The following COL24A1 variants were observed in gnomAD, a reference collection of about 807,000 sequenced individuals.
COL24A1 encodes the protein collagen type XXIV alpha 1 chain, also known as collagen alpha-1(XXIV) chain.
In COL24A1, 224 loss-of-function variants were observed where a neutral mutation model predicts 253.9. That is an observed-to-expected ratio of 0.88 (90% CI 0.79 to 0.99). The LOEUF (loss-of-function observed/expected upper bound fraction) is 0.99. Among genes scored for constraint, COL24A1 ranks in the 50% least tolerant of loss-of-function variants. The probability of loss-of-function intolerance (pLI) is 0.00; values close to 1 mark genes in which losing one functional copy is unlikely to be tolerated. For synonymous variants in COL24A1, 685 were observed against 673.7 expected, an observed-to-expected ratio of 1.02 and a Z score of -0.26; for missense variants, 2,131 against 2,068.5, an observed-to-expected ratio of 1.03 and a Z score of -0.59.
At chr1:85,743,562 A>AT (rs755046155) in intron 57 of COL24A1, among the ~76,000 whole-genome samples, 25 of 152,088 alleles carry the variant, frequency 1.6e-4, no homozygotes, top group Non-Finnish European at 3.2e-4. Flanking sequence ...GGGCGTAAAG[A>AT]TTTTTTGAAC....
intron 47 of COL24A1, among the ~76,000 whole-genome samples, chr1:85,815,428 T>C (rs757396658): frequency 6.6e-6 from 1 of 152,118 alleles, no homozygotes; most frequent in African/African-American, 2.4e-5. Context: ...AATTAAAAAC[T>C]TTGGCCTGGC....
chr1:85,834,845 G>A (rs12077825), intron 43 of COL24A1, among the ~76,000 whole-genome samples: 56,918 of 151,958 alleles, frequency 0.37, 11,358 homozygotes, highest in Non-Finnish European at 0.43. Flanking sequence ...CTTGATCTAT[G>A]TGATGTACAG....
At chr1:85,918,923 T>G (rs1391676518) in intron 24 of COL24A1, among the ~76,000 whole-genome samples, 1 of 152,230 alleles carries the variant, frequency 6.6e-6, no homozygotes, top group Non-Finnish European at 1.5e-5. Flanking sequence ...GCTACTGATG[T>G]CAGACTTGGC....
chr1:85,919,770 T>C (rs1448532717), intron 24 of COL24A1, among the ~76,000 whole-genome samples: 1 of 152,180 alleles, frequency 6.6e-6, no homozygotes, highest in Non-Finnish European at 1.5e-5. Context: ...TAGGAACACC[T>C]TCACCAGACA....
At chr1:85,898,912 A>G (rs918023730) in intron 28 of COL24A1, among the ~76,000 whole-genome samples, 1 of 152,172 alleles carries the variant, frequency 6.6e-6, no homozygotes, top group Non-Finnish European at 1.5e-5. Context: ...AAGAGGTAAG[A>G]TTGCAAGCTA....
At chr1:85,923,885 G>GT (rs1025909770) in intron 24 of COL24A1, among the ~76,000 whole-genome samples, 3 of 152,072 alleles carry the variant, frequency 2.0e-5, no homozygotes, top group Non-Finnish European at 2.9e-5. Context: ...CCATGAGCTG[G>GT]TTTTTTGAAA....
At chr1:85,857,633 A>G (rs1678595926) in intron 37 of COL24A1, among the ~76,000 whole-genome samples, 1 of 152,098 alleles carries the variant, frequency 6.6e-6, no homozygotes, top group Non-Finnish European at 1.5e-5. Flanking sequence ...CAATCACAAG[A>G]CACACAGACT....
chr1:85,766,328 C>A (rs1198356891), intron 53 of COL24A1, among the ~76,000 whole-genome samples: 11 of 130,618 alleles, frequency 8.4e-5, no homozygotes, highest in African/African-American at 3.3e-4. Context: ...GAGATCTTGC[C>A]ACTGCACTCC....
intron 22 of COL24A1, among the ~76,000 whole-genome samples, chr1:85,965,523 A>G (rs486726): frequency 0.56 from 84,264 of 151,678 alleles, 24,442 homozygotes; most frequent in African/African-American, 0.7. Flanking sequence ...TAGTTTTCCG[A>G]GAGTCTGAAG....
chr1:85,835,252 C>T (rs890689863), intron 43 of COL24A1, among the ~76,000 whole-genome samples: 7 of 152,172 alleles, frequency 4.6e-5, no homozygotes, highest in African/African-American at 1.2e-4. Context: ...CTGCCTCAGC[C>T]TCCCGAGTAG....
At chr1:85,886,558 G>A (rs746900504) in intron 32 of COL24A1, among the ~76,000 whole-genome samples, 5 of 151,820 alleles carry the variant, frequency 3.3e-5, no homozygotes, top group Non-Finnish European at 5.9e-5. Flanking sequence ...CCAGCTACTC[G>A]GGAGGCTGAG....
chr1:86,066,959 G>A (rs1298677299), intron 7 of COL24A1, among the ~76,000 whole-genome samples: 1 of 152,040 alleles, frequency 6.6e-6, no homozygotes, highest in Non-Finnish European at 1.5e-5. Flanking sequence ...CCAACATGAT[G>A]AAACCCGTCT....
chr1:85,890,614 G>T (rs1171047119), intron 31 of COL24A1, among the ~76,000 whole-genome samples: 1 of 151,432 alleles, frequency 6.6e-6, no homozygotes, highest in Non-Finnish European at 1.5e-5. Flanking sequence ...TGAGTTGTAG[G>T]AGTTCTTTAT....
intron 12 of COL24A1, among the ~76,000 whole-genome samples, chr1:86,040,721 C>T (rs1699415966): frequency 6.6e-6 from 1 of 152,022 alleles, no homozygotes; most frequent in South Asian, 2.1e-4. Flanking sequence ...AATATAGCTA[C>T]TACAGACTAT....
intron 5 of COL24A1, among the ~76,000 whole-genome samples, chr1:86,107,701 A>AT (rs1173214874): frequency 6.6e-6 from 1 of 151,490 alleles, no homozygotes; most frequent in Non-Finnish European, 1.5e-5. Flanking sequence ...CGCCCGGCTA[A>AT]TTTTTTTGTA....
Position 85,983,124 on chromosome 1 carries a change from T to C in COL24A1, c.2364+4477A>G, listed in dbSNP as rs536685544. On this transcript the variant is annotated intron_variant, in intron 20 of 59. Transcript: ENST00000370571. ...CTATAAAAACTTATCAGGTCTGCTATGCAAAAGACAATAACAGCCTCTTTT... is the reference window on the plus strand; with the variant it reads ...CTATAAAAACTTATCAGGTCTGCTACGCAAAAGACAATAACAGCCTCTTTT... Among the ~76,000 whole-genome samples the C allele has an allele frequency of 3.9e-5, 6 of 152,150 alleles. No individual in the cohort carries two copies. The East Asian group carries it at 9.6e-4, about 24-fold the overall frequency.
intron 19 of COL24A1, among the ~76,000 whole-genome samples, chr1:85,988,145 T>A (rs1231268882): frequency 6.6e-6 from 1 of 151,448 alleles, no homozygotes; most frequent in Non-Finnish European, 1.5e-5. Flanking sequence ...ATATACAGGA[T>A]TAATCAGTTT....
intron 19 of COL24A1, among the ~76,000 whole-genome samples, chr1:85,990,566 C>T (rs999733723): frequency 7.2e-5 from 11 of 152,208 alleles, no homozygotes; most frequent in Non-Finnish European, 1.5e-5. Flanking sequence ...AGCCCAGTTC[C>T]TAACAGGTCA....
intron 55 of COL24A1, among the ~76,000 whole-genome samples, chr1:85,747,404 G>T (rs145026742): frequency 6.6e-6 from 1 of 151,912 alleles, no homozygotes; most frequent in African/African-American, 2.4e-5. Context: ...ATGAGCCACC[G>T]TGCCCGGCCA....
Sources: gnomAD v4.1 joint callset for allele counts (sites outside exome capture counted in the v4.1 genomes callset) on GRCh38, gnomAD v4.1.1 for gene constraint, MANE v1.5 for transcripts, NCBI Gene and HGNC (gene_info 2026-07-23, HGNC 2026-07-21) for gene names.